Variants in ARHGAP4 observed in about 807,000 individuals in gnomAD.
The protein encoded by ARHGAP4 is rho GTPase-activating protein 4.
Under a neutral mutation model 67.6 loss-of-function variants are expected in ARHGAP4, and 25 were observed. The observed-to-expected ratio is 0.37, with a 90% CI of 0.27 to 0.52. The LOEUF (loss-of-function observed/expected upper bound fraction) is 0.52, where lower values mean the gene tolerates loss of function less well. ARHGAP4 is among the 20% of genes least tolerant of loss of function. The pLI is 0.92. For synonymous variants in ARHGAP4, 448 were observed against 373.7 expected (o/e 1.20, Z -2.29); for missense variants, 804 against 854.6 (o/e 0.94, Z 0.74).
chrX:153,919,633 C>T (rs781970048), intron 5 of ARHGAP4: 5 of 1,165,774 alleles, frequency 4.3e-6, no homozygotes, highest in Non-Finnish European at 5.7e-6. Context: ...CAGCTTGGAG[C>T]CAGCACACAG....
chrX:153,925,720 G>A (rs947022699), intron 1 of ARHGAP4, among the ~76,000 whole-genome samples: 1 of 111,863 alleles, frequency 8.9e-6, no homozygotes, highest in African/African-American at 3.3e-5. Context: ...TTACGGCCAG[G>A]TGATCTCCAC....
chrX:153,919,868 C>T (rs1312988714), intron 5 of ARHGAP4, among the ~76,000 whole-genome samples: 1 of 109,695 alleles, frequency 9.1e-6, no homozygotes, highest in Non-Finnish European at 1.9e-5. Context: ...ATCACTGCAA[C>T]CTCCGCCTGC....
At chrX:153,924,061 G>C (rs1158587147) in intron 1 of ARHGAP4, among the ~76,000 whole-genome samples, 2 of 112,052 alleles carry the variant, frequency 1.8e-5, no homozygotes, top group Non-Finnish European at 1.9e-5. Context: ...TTACAGACGT[G>C]AGCCACCACG....
rs782632530 is a variant in ARHGAP4, at chrX:153,909,849, C to T, written c.2306G>A (p.Arg769Gln). Residue 769 changes from arginine (R) to glutamine (Q), a missense_variant, in exon 19 of 22, where the codon CGG becomes CAG. By Grantham distance (43) the Arg-to-Gln change is conservative. This residue lies in a region of ARHGAP4 where 400 missense variants were observed against 348.7 expected (regional missense o/e 1.15). Transcript: ENST00000350060. ...CTCGTGCAGCCGCAGTACGTCCCCC[C>T]GCCGGAAGCTCAGCTCCTGGGCTGT... is the stretch of plus-strand genomic sequence containing the variant. The part of the protein sequence containing the change: ...GRTAQELSFR[R>Q]GDVLRLHERA... 6.7e-6 allele frequency: 8 copies of T among 1,201,299 alleles called. No individual in the cohort carries two copies. Among genetic ancestry groups the T allele is most frequent in the East Asian group, 6.0e-5 (2 of 33,392 alleles).
At position 153,921,487 on chromosome X, in the gene ARHGAP4, C is replaced by G. The variant is rs1557105310; in HGVS notation, c.313G>C (p.Val105Leu). 2 of 1,199,995 alleles carry G rather than the reference C, an allele frequency of 1.7e-6. No homozygotes were observed. The highest frequency in any genetic ancestry group is 2.2e-6 in the Non-Finnish European group (2 of 889,834). Residue 105 changes from valine to leucine, a missense_variant, in exon 3 of 22, where the codon GTG becomes CTG. By Grantham distance (32) the Val-to-Leu change is conservative. Coordinates refer to ENST00000350060, the MANE Select transcript of ARHGAP4 (RefSeq NM_001666.5). ...SLLSPLHCWA[V>L]LLQHTRQQSR... ...TGCTGCCGCGTGTGCTGCAGCAGCA[C>G]CGCCCAGCAGTGCAAGGGCGACAGG...
At chrX:153,911,598 C>A (rs1349738762) in intron 12 of ARHGAP4, among the ~76,000 whole-genome samples, 1 of 111,600 alleles carries the variant, frequency 9.0e-6, no homozygotes, top group Non-Finnish European at 1.9e-5. Context: ...TTCTGTACAC[C>A]AATCTTGAAT....
rs1569546003 is a variant in ARHGAP4, at chrX:153,918,863, C to A, written c.1001G>T (p.Arg334Leu). ...VHATVFCPPL[R>L]FDYHPHDGDE... ...CCCATCATGGGGGTGGTAGTCAAAG[C>A]GCAGCGGGGGACAGAAGACGGTAGC... Residue 334 changes from arginine (R) to leucine (L), a missense_variant, in exon 7 of 22, where the codon CGC becomes CTC. Physicochemically the swap from Arg to Leu is moderately radical, Grantham distance 102. Around this residue, in one of 2 missense-constraint regions of ARHGAP4, gnomAD observed 404 missense variants for 505.9 expected, o/e 0.80. Transcript: ENST00000350060. 1 of 1,212,209 alleles carries A rather than the reference C, an allele frequency of 8.2e-7. No homozygotes were observed. The highest frequency in any genetic ancestry group is 1.1e-6 in the Non-Finnish European group (1 of 895,588).
In ARHGAP4 at chrX:153,919,598, C is replaced by T. The variant is rs1312743145; in HGVS notation, c.682-315G>A. 24 of 1,163,556 alleles carry T rather than the reference C, an allele frequency of 2.1e-5. No individual in the cohort carries two copies. The African/African-American group carries it at 4.3e-4, about 21-fold the overall frequency. On this transcript the variant is annotated intron_variant, in intron 5 of 21. Coordinates refer to ENST00000350060, the MANE Select transcript of ARHGAP4 (RefSeq NM_001666.5). The stretch of plus-strand genomic sequence containing the variant: ...AGTGGAAGGTGCGCACATGGCACCC[C>T]ACCATGGAGGGTGCACGAGAAACCC...
At position 153,910,745 on chromosome X, in the gene ARHGAP4, G is replaced by T; in HGVS notation, c.1771C>A (p.Pro591Thr). 3.4e-6 allele frequency: 4 copies of T among 1,193,138 alleles called. No homozygotes were observed. Among genetic ancestry groups the T allele is most frequent in the Non-Finnish European group, 1.1e-6 (1 of 886,058 alleles). The change falls in exon 15 of 22, where the codon CCA becomes ACA. Residue 591 changes from proline (P) to threonine (T), a missense_variant. Physicochemically the swap from Pro to Thr is conservative, Grantham distance 38 (BLOSUM62 -1). Around this residue, in one of 2 missense-constraint regions of ARHGAP4, gnomAD observed 400 missense variants for 348.7 expected, o/e 1.15. Transcript: ENST00000350060. ...LKLYFRSLEP[P>T]LFPPDLFGEL... ...CCGAACAGGTCTGGGGGGAAGAGTG[G>T]GGGCTCCAGGCTCCGGAAGTAGAGC... is the stretch of plus-strand genomic sequence containing the variant.
chrX:153,913,712 TCCA>T, intron 8 of ARHGAP4, 63 bp downstream of exon 8: 1 of 1,176,531 alleles, frequency 8.5e-7, no homozygotes. Context: ...GGCAGCCACT[TCCA>T]ACAGCAGGCT....
chrX:153,919,400 T>G, intron 5 of ARHGAP4, 117 bp from the exon 6 acceptor site: 1 of 1,169,599 alleles, frequency 8.5e-7, no homozygotes, highest in South Asian at 1.9e-5. Context: ...CCTGAACTGG[T>G]CAAGCCCAGA....
At chrX:153,912,881 G>T (rs2065030631) in intron 11 of ARHGAP4, 79 bp from the exon 12 acceptor site, 3 of 1,114,814 alleles carry the variant, frequency 2.7e-6, no homozygotes, top group Non-Finnish European at 3.7e-6. Flanking sequence ...AGCCAAGCCG[G>T]CCTCTAATTC....
At position 153,910,632 on chromosome X, in the gene ARHGAP4, A is replaced by G. The variant is rs782367427; in HGVS notation, c.1817-21T>C. On this transcript the variant is annotated intron_variant, in intron 15 of 21. Transcript: ENST00000350060. ...CAGCTCTGTGGCCAAAGCCGCCCAGAGAGAGCCGCGTGAGCGGGGCTGCCC... is the reference window on the plus strand; with the variant it reads ...CAGCTCTGTGGCCAAAGCCGCCCAGGGAGAGCCGCGTGAGCGGGGCTGCCC... The G allele has an allele frequency of 6.0e-5, 72 of 1,193,403 alleles. No homozygotes were observed. The African/African-American group carries it at 1.2e-3, about 19-fold the overall frequency.
At chrX:153,913,349 C>T (rs1196814168) in intron 9 of ARHGAP4, 47 bp from the exon 10 acceptor site, 11 of 1,203,593 alleles carry the variant, frequency 9.1e-6, no homozygotes, top group Non-Finnish European at 1.1e-5. Context: ...TGGCTTGAGC[C>T]CCTCCCTCTG....
At chrX:153,924,172 T>C (rs1557105809) in intron 1 of ARHGAP4, among the ~76,000 whole-genome samples, 2 of 111,955 alleles carry the variant, frequency 1.8e-5, no homozygotes, top group Non-Finnish European at 3.8e-5. Context: ...GAGCCTGCCC[T>C]GCCCTGCTTC....
chrX:153,916,669 A>G (rs1266177994), intron 7 of ARHGAP4, among the ~76,000 whole-genome samples: 1 of 113,427 alleles, frequency 8.8e-6, no homozygotes, highest in Non-Finnish European at 1.9e-5. Flanking sequence ...GAATCACCAA[A>G]CAGACACGAT....
At chrX:153,909,232 G>A (rs2064996948) in intron 20 of ARHGAP4, 63 bp from the exon 21 acceptor site, 1 of 1,048,242 alleles carries the variant, frequency 9.5e-7, no homozygotes, top group Non-Finnish European at 1.3e-6. Flanking sequence ...CTGGGCAGTG[G>A]CTCCTCCCAT....
Position 153,920,788 on chromosome X carries a change from T to C in ARHGAP4, c.519A>G (p.Ala173=). The change falls in exon 5 of 22, where the codon GCA becomes GCG. Residue 173 remains alanine, a synonymous_variant. Transcript: ENST00000350060. ...ELQTAKKTYQ[A]YHMESVNAEA... ...CGGCATTCACGCTCTCCATGTGATA[T>C]GCCTGGTACGTCTTCTTGGCCTGCA... is the stretch of plus-strand genomic sequence containing the variant. 1 of 1,212,156 alleles carries C rather than the reference T, an allele frequency of 8.2e-7. No homozygotes were observed. Among genetic ancestry groups the C allele is most frequent in the Non-Finnish European group, 1.1e-6 (1 of 895,623 alleles).
At chrX:153,913,112 G>A (rs2065032200) in intron 10 of ARHGAP4, 61 bp from the exon 11 acceptor site, 5 of 1,168,050 alleles carry the variant, frequency 4.3e-6, no homozygotes, top group Non-Finnish European at 3.4e-6. Flanking sequence ...GCATCCCAGA[G>A]AGAAAGGTGT....
Sources: allele counts gnomAD v4.1 joint callset (sites outside exome capture counted in the v4.1 genomes callset), GRCh38; gene constraint gnomAD v4.1.1; regional missense constraint gnomAD v4.1.1; transcripts MANE v1.5; gene names NCBI Gene and HGNC (gene_info 2026-07-23, HGNC 2026-07-21).